PTPN14: variants seen among roughly 807,000 people sequenced by gnomAD.
PTPN14 encodes the protein tyrosine-protein phosphatase non-receptor type 14.
A neutral mutation model predicts 126.8 loss-of-function variants in PTPN14; 53 were observed. The observed-to-expected ratio is 0.42, with a 90% CI of 0.34 to 0.53. PTPN14 has a LOEUF of 0.53. PTPN14 is among the 20% of genes least tolerant of loss of function. The probability of loss-of-function intolerance (pLI) is 0.08; values close to 1 mark genes in which losing one functional copy is unlikely to be tolerated. For missense variants in PTPN14, 1,257 were observed against 1,552.9 expected (o/e 0.81, Z 3.20); for synonymous variants, 630 against 599.3 (o/e 1.05, Z -0.75).
At chr1:214,542,559 A>T (rs1655866256) in intron 1 of PTPN14, among the ~76,000 whole-genome samples, 1 of 152,192 alleles carries the variant, frequency 6.6e-6, no homozygotes, top group Non-Finnish European at 1.5e-5. Context: ...TAACCAGGAC[A>T]CAGGGCACAG....
At chr1:214,529,549 T>A (rs912092443) in intron 1 of PTPN14, 21 of 152,386 alleles carry the variant, frequency 1.4e-4, no homozygotes, top group East Asian at 1.2e-3. Context: ...CAGTTTTGGC[T>A]ACCATCCTCC....
chr1:214,389,311 T>C (rs1658698019), intron 11 of PTPN14, among the ~76,000 whole-genome samples: 1 of 152,248 alleles, frequency 6.6e-6, no homozygotes, highest in Non-Finnish European at 1.5e-5. Context: ...ACAAACAGCA[T>C]TGTCAAAGGA....
At chr1:214,392,139 T>C (rs77222254) in intron 10 of PTPN14, among the ~76,000 whole-genome samples, 6,102 of 152,088 alleles carry the variant, frequency 0.04, 201 homozygotes, top group East Asian at 0.11. Flanking sequence ...CCCCAGGCCA[T>C]AACATCGTGC....
intron 3 of PTPN14, among the ~76,000 whole-genome samples, chr1:214,442,758 T>C (rs910571668): frequency 6.6e-6 from 1 of 152,130 alleles, no homozygotes; most frequent in Non-Finnish European, 1.5e-5. Context: ...TATTTGTCTA[T>C]ACTTCATTGT....
intron 2 of PTPN14, among the ~76,000 whole-genome samples, chr1:214,463,528 GT>G (rs1660559403): frequency 2.0e-5 from 3 of 152,172 alleles, no homozygotes; most frequent in Non-Finnish European, 4.4e-5. Context: ...AGGTGAAACA[GT>G]TTCCCTGAGA....
At chr1:214,517,359 T>C (rs1272018277) in intron 1 of PTPN14, among the ~76,000 whole-genome samples, 1 of 151,928 alleles carries the variant, frequency 6.6e-6, no homozygotes, top group African/African-American at 2.4e-5. Flanking sequence ...GGAAAAGCCT[T>C]CAAGTATGTC....
At chr1:214,446,835 T>C (rs1572005392) in intron 3 of PTPN14, among the ~76,000 whole-genome samples, 1 of 152,184 alleles carries the variant, frequency 6.6e-6, no homozygotes, top group Non-Finnish European at 1.5e-5. Flanking sequence ...TAGAACCTGT[T>C]CTCAAACAGA....
chr1:214,444,099 C>T lies in PTPN14; in HGVS notation c.344+7706G>A, dbSNP rs1404293975. The stretch of plus-strand genomic sequence containing the variant: ...ATAAAGGTTGAAATAAAAAACAATG[C>T]AAATGACAATCAACTTATCTCATTT... On this transcript the variant is annotated intron_variant, in intron 3 of 18. Transcript: ENST00000366956. Among the ~76,000 whole-genome samples the T allele has an allele frequency of 2.0e-5, 3 of 152,124 alleles. No individual in the cohort carries two copies. The East Asian group carries it at 5.8e-4, about 29-fold the overall frequency.
intron 1 of PTPN14, among the ~76,000 whole-genome samples, chr1:214,470,274 C>T (rs1237996617): frequency 1.3e-5 from 2 of 151,758 alleles, no homozygotes; most frequent in Non-Finnish European, 2.9e-5. Context: ...GGCAATACAG[C>T]AAGACTCTAT....
chr1:214,486,235 A>G (rs929594605), intron 1 of PTPN14, among the ~76,000 whole-genome samples: 1 of 152,198 alleles, frequency 6.6e-6, no homozygotes, highest in Non-Finnish European at 1.5e-5. Flanking sequence ...ACTAAACTGT[A>G]CATATGTTAT....
chr1:214,387,125 TAAGGGAG>T (rs1658638171), intron 11 of PTPN14, among the ~76,000 whole-genome samples: 1 of 152,072 alleles, frequency 6.6e-6, no homozygotes, highest in African/African-American at 2.4e-5. Context: ...GGAGAAACAG[TAAGGGAG>T]AAATGAAGTT....
intron 15 of PTPN14, among the ~76,000 whole-genome samples, chr1:214,375,724 T>G (rs958207351): frequency 6.6e-6 from 1 of 152,266 alleles, no homozygotes; most frequent in Admixed American, 6.5e-5. Flanking sequence ...ATAGTGTAGG[T>G]GAAAATTACT....
chr1:214,481,493 A>G (rs868163233), intron 1 of PTPN14, among the ~76,000 whole-genome samples: 4 of 122,318 alleles, frequency 3.3e-5, no homozygotes, highest in African/African-American at 6.2e-5. Flanking sequence ...CCTGGGAAAC[A>G]AGCGCGAAAC....
intron 1 of PTPN14, among the ~76,000 whole-genome samples, chr1:214,520,118 G>A (rs1213342603): frequency 6.9e-6 from 1 of 144,402 alleles, no homozygotes; most frequent in Non-Finnish European, 1.5e-5. Flanking sequence ...GTATGAATCA[G>A]TCTGTCTGCC....
chr1:214,497,905 A>AAC (rs1300301728), intron 1 of PTPN14, among the ~76,000 whole-genome samples: 1 of 152,182 alleles, frequency 6.6e-6, no homozygotes, highest in Non-Finnish European at 1.5e-5. Flanking sequence ...TTTCATTAGA[A>AAC]ACACACACGA....
chr1:214,445,090 A>G lies in PTPN14; in HGVS notation c.344+6715T>C, dbSNP rs558784319. On this transcript the variant is annotated intron_variant, in intron 3 of 18. Transcript: ENST00000366956. Reference sequence around the variant, plus strand: ...CCATACAGAGATTAAGTATTTTAAAAATCCTCCTGGTGATAACTGCTAGGC... The same window carrying G: ...CCATACAGAGATTAAGTATTTTAAAGATCCTCCTGGTGATAACTGCTAGGC... 2.6e-5 allele frequency among the ~76,000 whole-genome samples: 4 copies of G among 152,312 alleles called. No homozygotes were observed. In the East Asian group the frequency reaches 7.7e-4, roughly 29 times the overall value.
chr1:214,426,032 C>CA (rs66656875), intron 3 of PTPN14, among the ~76,000 whole-genome samples: 495 of 33,850 alleles, frequency 0.015, 25 homozygotes, highest in African/African-American at 0.042. Flanking sequence ...GCATAAATCG[C>CA]AAAAAAAAAA....
intron 1 of PTPN14, among the ~76,000 whole-genome samples, chr1:214,537,129 C>T (rs1057283282): frequency 1.2e-4 from 18 of 152,142 alleles, no homozygotes; most frequent in Admixed American, 6.5e-4. Flanking sequence ...AGTTAGTAAA[C>T]GAAGCACATC....
Position 214,479,584 on chromosome 1 carries a change from C to T in PTPN14, c.-154-14627G>A, listed in dbSNP as rs183338431. Reference sequence around the variant, plus strand: ...CAAACTCCTGACCTCAGTTCATCTACCACCTCAGCCTCCCAAATTGCTGAG... The same window carrying T: ...CAAACTCCTGACCTCAGTTCATCTATCACCTCAGCCTCCCAAATTGCTGAG... On this transcript the variant is annotated intron_variant, in intron 1 of 18. Coordinates refer to ENST00000366956, the MANE Select transcript of PTPN14 (RefSeq NM_005401.5). Among the ~76,000 whole-genome samples, 233 of 152,194 alleles carry T rather than the reference C, an allele frequency of 1.5e-3. 1 individual carries two copies. Among genetic ancestry groups the T allele is most frequent in the African/African-American group, 5.2e-3 (217 of 41,512 alleles).
Sources: allele counts gnomAD v4.1 joint callset (sites outside exome capture counted in the v4.1 genomes callset), GRCh38; gene constraint gnomAD v4.1.1; transcripts MANE v1.5; gene names NCBI Gene and HGNC (gene_info 2026-07-23, HGNC 2026-07-21).